The following STK31 variants were observed in gnomAD, a reference collection of about 807,000 sequenced individuals.
STK31 encodes the protein serine/threonine kinase 31, also known as serine/threonine-protein kinase 31.
STK31 carries 89 observed loss-of-function variants against 129.7 expected under a neutral mutation model. The observed-to-expected ratio is 0.69, with a 90% CI of 0.58 to 0.82. The LOEUF (loss-of-function observed/expected upper bound fraction) is 0.82. Ranked by LOEUF, STK31 falls within the 40% of genes least tolerant of loss-of-function variation. The pLI, the probability that STK31 is intolerant of heterozygous loss-of-function variation, is 0.00. For missense variants in STK31, 1,187 were observed against 1,176.4 expected (o/e 1.01, Z -0.13); for synonymous variants, 448 against 395.3 (o/e 1.13, Z -1.58).
At chr7:23,808,099 T>C (rs1381457709) in intron 22 of STK31, among the ~76,000 whole-genome samples, 2 of 151,274 alleles carry the variant, frequency 1.3e-5, no homozygotes, top group East Asian at 3.9e-4. Flanking sequence ...TGATTTTTTA[T>C]TGTACCCTAA....
chr7:23,774,354 C>T lies in STK31; in HGVS notation c.1965+2076C>T, dbSNP rs538125283. 2.6e-3 allele frequency among the ~76,000 whole-genome samples: 401 copies of T among 152,242 alleles called. 1 individual carries two copies. The highest frequency in any genetic ancestry group is 5.4e-3 in the South Asian group (26 of 4,810). On this transcript the variant is annotated intron_variant, in intron 15 of 23. Transcript: ENST00000355870. ...TAGTTCTAGATCCTTGAGGAATTGC[C>T]ACACTGTCTTCCACAATGGTTGAAC...
At chr7:23,798,444 A>C (rs889371805) in intron 22 of STK31, among the ~76,000 whole-genome samples, 2 of 121,062 alleles carry the variant, frequency 1.7e-5, no homozygotes. Flanking sequence ...GGCTGGTTCA[A>C]CATATGCAAA....
intron 23 of STK31, among the ~76,000 whole-genome samples, chr7:23,817,702 T>C (rs904395534): frequency 6.6e-6 from 1 of 152,258 alleles, no homozygotes; most frequent in African/African-American, 2.4e-5. Flanking sequence ...CAGCCTCTGC[T>C]TAAGTAGAGT....
intron 10 of STK31, among the ~76,000 whole-genome samples, chr7:23,759,417 C>A (rs953508782): frequency 2.0e-5 from 3 of 152,162 alleles, no homozygotes; most frequent in African/African-American, 4.8e-5. Flanking sequence ...GAACTGAAAT[C>A]ATAACAAACA....
intron 11 of STK31, among the ~76,000 whole-genome samples, chr7:23,763,963 G>C (rs948386889): frequency 6.6e-6 from 1 of 152,076 alleles, no homozygotes; most frequent in South Asian, 2.1e-4. Flanking sequence ...ATCTTGTTGT[G>C]GACTGCAGGG....
At chr7:23,790,992 A>G in intron 22 of STK31, 46 bp downstream of exon 22, 1 of 1,291,450 alleles carries the variant, frequency 7.7e-7, no homozygotes, top group Non-Finnish European at 1.0e-6. Flanking sequence ...TATATATTTC[A>G]GTATATAAAG....
At chr7:23,794,738 T>G (rs112174086) in intron 22 of STK31, among the ~76,000 whole-genome samples, 4,114 of 152,258 alleles carry the variant, frequency 0.027, 106 homozygotes, top group African/African-American at 0.069. Flanking sequence ...TAAACGCGAC[T>G]CTTGATGTTT....
At chr7:23,775,208 A>C (rs1413817374) in intron 15 of STK31, among the ~76,000 whole-genome samples, 2 of 152,324 alleles carry the variant, frequency 1.3e-5, no homozygotes, top group Non-Finnish European at 2.9e-5. Flanking sequence ...TGGCACCAGT[A>C]CCATGCTGTT....
intron 22 of STK31, among the ~76,000 whole-genome samples, chr7:23,807,720 T>C (rs1198483665): frequency 1.3e-5 from 2 of 152,022 alleles, no homozygotes; most frequent in African/African-American, 4.8e-5. Context: ...GGGCTCTGTT[T>C]ATCAGGGTGT....
At chr7:23,825,502 A>T (rs1195032197) in intron 23 of STK31, among the ~76,000 whole-genome samples, 1 of 151,898 alleles carries the variant, frequency 6.6e-6, no homozygotes, top group Non-Finnish European at 1.5e-5. Flanking sequence ...CTTCTTTATT[A>T]GTCTTGCTAG....
At chr7:23,733,781 C>T (rs1019491980) in intron 6 of STK31, among the ~76,000 whole-genome samples, 64 of 151,852 alleles carry the variant, frequency 4.2e-4, no homozygotes, top group African/African-American at 1.5e-3. Flanking sequence ...TGCACTCCCA[C>T]CTGGGCGACA....
At position 23,732,188 on chromosome 7, in the gene STK31, G is replaced by A. The variant is rs536465818; in HGVS notation, c.483+2939G>A. Among the ~76,000 whole-genome samples the A allele has an allele frequency of 5.9e-5, 9 of 152,078 alleles. No individual in the cohort carries two copies. In the South Asian group the frequency reaches 1.5e-3, roughly 25 times the overall value. ...TAGCTGGGCATGGTGGCGCATGCCT[G>A]TAGTCCCCGCTACTCAGGAGGCTGA... On this transcript the variant is annotated intron_variant, in intron 6 of 23. Coordinates refer to ENST00000355870, the MANE Select transcript of STK31 (RefSeq NM_031414.5).
chr7:23,714,058 A>G (rs1173630466), intron 3 of STK31, among the ~76,000 whole-genome samples: 2 of 152,190 alleles, frequency 1.3e-5, no homozygotes, highest in Non-Finnish European at 2.9e-5. Flanking sequence ...ACTAGGCAAT[A>G]GGAATTTTTC....
At chr7:23,770,285 T>C (rs1031967006) in intron 13 of STK31, among the ~76,000 whole-genome samples, 1 of 152,188 alleles carries the variant, frequency 6.6e-6, no homozygotes, top group Non-Finnish European at 1.5e-5. Flanking sequence ...TTCCCAGTTA[T>C]TCAGGCTGCT....
intron 22 of STK31, among the ~76,000 whole-genome samples, chr7:23,803,475 A>C (rs942114737): frequency 6.6e-6 from 1 of 152,234 alleles, no homozygotes; most frequent in African/African-American, 2.4e-5. Flanking sequence ...CATTTTTCTT[A>C]TGAGATCCAG....
chr7:23,770,318 C>T lies in STK31; in HGVS notation c.1713+562C>T, dbSNP rs545116210. Among the ~76,000 whole-genome samples, 6 of 152,138 alleles carry T rather than the reference C, an allele frequency of 3.9e-5. No individual in the cohort carries two copies. In the East Asian group the frequency reaches 5.8e-4, roughly 15 times the overall value. ...GCTTTCCAATGTTTCAGTGGTTAGG[C>T]TTCTCATTTTACTTGTTTTTTCTTT... On this transcript the variant is annotated intron_variant, in intron 13 of 23. Transcript: ENST00000355870.
intron 6 of STK31, among the ~76,000 whole-genome samples, chr7:23,733,069 A>G (rs1024968292): frequency 5.9e-5 from 9 of 152,090 alleles, no homozygotes; most frequent in Admixed American, 2.0e-4. Flanking sequence ...TTGATATAAT[A>G]TATTGAATTC....
intron 22 of STK31, chr7:23,811,589 G>T: frequency 5.3e-6 from 1 of 187,378 alleles, no homozygotes. Flanking sequence ...CAGCCTGTTT[G>T]CAGTATCTCA....
chr7:23,787,886 C>A, intron 20 of STK31, 94 bp from the exon 21 acceptor site: 1 of 1,248,708 alleles, frequency 8.0e-7, no homozygotes, highest in Non-Finnish European at 1.1e-6. Context: ...GGAAACTTTA[C>A]TCACTTCTAG....
Sources: gnomAD v4.1 joint callset for allele counts (sites outside exome capture counted in the v4.1 genomes callset) on GRCh38, gnomAD v4.1.1 for gene constraint, MANE v1.5 for transcripts, NCBI Gene and HGNC (gene_info 2026-07-23, HGNC 2026-07-21) for gene names.